Variants in PGGT1B observed in about 807,000 individuals in gnomAD.
PGGT1B encodes geranylgeranyl transferase type-1 subunit beta.
PGGT1B carries 30 observed loss-of-function variants against 46.1 expected under a neutral mutation model. That is an observed-to-expected ratio of 0.65 (90% CI 0.49 to 0.88). The LOEUF is 0.88. PGGT1B is among the 40% of genes least tolerant of loss of function. The pLI is 0.00. For missense variants in PGGT1B, 376 were observed against 455.9 expected (o/e 0.82, Z 1.60); for synonymous variants, 170 against 160.0 (o/e 1.06, Z -0.47).
At chr5:115,248,097 C>T (rs1252522186) in intron 2 of PGGT1B, among the ~76,000 whole-genome samples, 3 of 152,116 alleles carry the variant, frequency 2.0e-5, no homozygotes, top group Admixed American at 2.0e-4. Context: ...AAGCATTAAA[C>T]ATTTTACCCT....
rs1037168191 is a variant in PGGT1B, at chr5:115,209,785, C to G, written c.*2617G>C. 1 of 152,068 alleles carries G rather than the reference C, an allele frequency of 6.6e-6. No homozygotes were observed. The highest frequency in any genetic ancestry group is 1.5e-5 in the Non-Finnish European group (1 of 67,994). 9.4% of individuals were successfully genotyped at this position (152,068 alleles called of 1,614,324 possible). On this transcript the variant is annotated 3_prime_UTR_variant, in exon 9 of 9. Coordinates refer to ENST00000419445, the MANE Select transcript of PGGT1B (RefSeq NM_005023.4). ...CCTATAATTTGAAATTTGCTGTATT[C>G]CAGGTACTATCCTAAGTGCTTTATC...
chr5:115,211,344 C>T lies in PGGT1B; in HGVS notation c.*1058G>A, dbSNP rs1335367529. 2.0e-5 allele frequency: 3 copies of T among 151,942 alleles called. No homozygotes were observed. Among genetic ancestry groups the T allele is most frequent in the African/African-American group, 7.2e-5 (3 of 41,408 alleles). 9.4% of individuals were successfully genotyped at this position (151,942 alleles called of 1,614,324 possible). A position where few individuals can be genotyped will look rare whatever the true frequency, so the allele number is the denominator to read the frequency against. On this transcript the variant is annotated 3_prime_UTR_variant, in exon 9 of 9. Coordinates refer to ENST00000419445, the MANE Select transcript of PGGT1B (RefSeq NM_005023.4). ...CTATTTCTTACCCTCTAAATGGTCG[C>T]ATTTCCCTTTCACTTACCTGAAAAT...
intron 2 of PGGT1B, among the ~76,000 whole-genome samples, chr5:115,251,146 C>T (rs1748076644): frequency 6.6e-6 from 1 of 152,098 alleles, no homozygotes. Flanking sequence ...GGTCATAGAA[C>T]ATACATATGT....
intron 4 of PGGT1B, 59 bp from the exon 5 acceptor site, chr5:115,236,581 T>A (rs751729337): frequency 1.6e-6 from 2 of 1,247,624 alleles, no homozygotes; most frequent in South Asian, 1.8e-5. Flanking sequence ...TTTTTTTGCA[T>A]GGGGGTTAGA....
intron 1 of PGGT1B, among the ~76,000 whole-genome samples, chr5:115,255,105 T>C (rs1375717677): frequency 6.6e-6 from 1 of 152,186 alleles, no homozygotes; most frequent in Non-Finnish European, 1.5e-5. Flanking sequence ...TATACAGTAA[T>C]TGTGCTTACC....
At chr5:115,234,548 A>C (rs989439114) in intron 5 of PGGT1B, among the ~76,000 whole-genome samples, 1 of 152,080 alleles carries the variant, frequency 6.6e-6, no homozygotes, top group African/African-American at 2.4e-5. Context: ...GAAAAGCCTA[A>C]AATGGAATTC....
rs562247491 is a variant in PGGT1B at position 115,259,645 on chromosome 5, T to G, written c.140+3067A>C. 1.1e-3 allele frequency among the ~76,000 whole-genome samples: 141 copies of G among 128,188 alleles called. 2 individuals are homozygous for G. The highest frequency in any genetic ancestry group is 1.9e-3 in the Non-Finnish European group (126 of 64,808). 84.1% of individuals were successfully genotyped at this position (128,188 alleles called of 152,430 possible). Reference sequence around the variant, plus strand: ...CGGAGGCTGCAGTGAGGAGAGATGGTGCCACCGCACTCCAGCCTGGTGACA... The same window carrying G: ...CGGAGGCTGCAGTGAGGAGAGATGGGGCCACCGCACTCCAGCCTGGTGACA... On this transcript the variant is annotated intron_variant, in intron 1 of 8. Transcript: ENST00000419445.
chr5:115,253,112 A>T, intron 2 of PGGT1B, 25 bp downstream of exon 2: 12 of 1,598,516 alleles, frequency 7.5e-6, no homozygotes, highest in Non-Finnish European at 1.0e-5. Flanking sequence ...TCACACTAAA[A>T]ATAAAATGCT....
At chr5:115,225,242 G>A (rs896492128) in intron 6 of PGGT1B, among the ~76,000 whole-genome samples, 3 of 152,156 alleles carry the variant, frequency 2.0e-5, no homozygotes, top group African/African-American at 7.2e-5. Context: ...TTAAAAGTTT[G>A]CCACCTACGT....
rs1756071910 is a variant in PGGT1B at position 115,206,627 on chromosome 5, T to C, written c.*5775A>G. 2.0e-5 allele frequency: 3 copies of C among 152,044 alleles called. No homozygotes were observed. Among genetic ancestry groups the C allele is most frequent in the African/African-American group, 7.2e-5 (3 of 41,460 alleles). 9.4% of individuals were successfully genotyped at this position (152,044 alleles called of 1,614,324 possible). A position where few individuals can be genotyped will look rare whatever the true frequency, so the allele number is the denominator to read the frequency against. ...CCTTCCAATATCCATACTTTAACAG[T>C]TGCATAGTATTGAGTTACATAAATG... On this transcript the variant is annotated 3_prime_UTR_variant, in exon 9 of 9. Coordinates refer to ENST00000419445, the MANE Select transcript of PGGT1B (RefSeq NM_005023.4).
At chr5:115,250,611 A>G (rs1748051708) in intron 2 of PGGT1B, among the ~76,000 whole-genome samples, 1 of 152,224 alleles carries the variant, frequency 6.6e-6, no homozygotes, top group Non-Finnish European at 1.5e-5. Flanking sequence ...ATGGTTCTCA[A>G]AAGGAGTGGT....
In PGGT1B at chr5:115,237,905, T is replaced by C. The variant is rs12163926; in HGVS notation, c.432A>G (p.Lys144=). Residue 144 remains lysine, a synonymous_variant, in exon 4 of 9, where the codon AAA becomes AAG. Transcript: ENST00000419445. ...ILGDDLSRVN[K]EACLAGLRAL... is the part of the protein sequence containing the mutation. ...CTCTCAAGCCCGCTAAGCAAGCTTC[T>C]TTATTTACTCGGCTTAAGTCGTCTC... 3.2e-3 allele frequency: 5,115 copies of C among 1,612,090 alleles called. 138 individuals carry two copies. In the East Asian group the frequency reaches 0.077, roughly 24 times the overall value.
chr5:115,241,284 CAATT>C (rs745505068), intron 3 of PGGT1B, among the ~76,000 whole-genome samples: 1 of 152,070 alleles, frequency 6.6e-6, no homozygotes, highest in Non-Finnish European at 1.5e-5. Flanking sequence ...TTTTTTGTAA[CAATT>C]AATAGAAATT....
intron 7 of PGGT1B, among the ~76,000 whole-genome samples, chr5:115,221,351 T>C (rs936159517): frequency 6.6e-6 from 1 of 151,980 alleles, no homozygotes; most frequent in Non-Finnish European, 1.5e-5. Context: ...GGCATGTCAA[T>C]TGATGAGTTT....
At chr5:115,222,808 G>T (rs1045890003) in intron 6 of PGGT1B, among the ~76,000 whole-genome samples, 2 of 152,178 alleles carry the variant, frequency 1.3e-5, no homozygotes, top group Non-Finnish European at 2.9e-5. Flanking sequence ...ATGAGTTCAC[G>T]TCCTTTGTAG....
At position 115,222,209 on chromosome 5, in the gene PGGT1B, A is replaced by C. The variant is rs558063390; in HGVS notation, c.659-201T>G. Among the ~76,000 whole-genome samples the C allele has an allele frequency of 2.6e-5, 4 of 152,356 alleles. No homozygotes were observed. In the East Asian group the frequency reaches 7.7e-4, roughly 29 times the overall value. ...AAAACAGAGAATATAAAGCTATAAG[A>C]AACATTTTACTTATGAAAAAAAGTA... On this transcript the variant is annotated intron_variant, in intron 6 of 8. Transcript: ENST00000419445.
At chr5:115,241,655 C>T (rs1290476794) in intron 2 of PGGT1B, 49 bp from the exon 3 acceptor site, 9 of 1,398,960 alleles carry the variant, frequency 6.4e-6, no homozygotes, top group Middle Eastern at 3.6e-4. Flanking sequence ...TATTTTTGCA[C>T]AGATTCTAAA....
At chr5:115,262,580 T>A in intron 1 of PGGT1B, 132 bp downstream of exon 1, 1 of 1,032,654 alleles carries the variant, frequency 9.7e-7, no homozygotes, top group Non-Finnish European at 1.4e-6. Context: ...TCAAGCCCAC[T>A]TGAAACCAGT....
intron 3 of PGGT1B, among the ~76,000 whole-genome samples, chr5:115,238,239 A>G (rs898661265): frequency 2.0e-5 from 3 of 149,442 alleles, no homozygotes; most frequent in Admixed American, 2.0e-4. Context: ...GGCATTATGG[A>G]AGTAGTTATG....
Sources: gnomAD v4.1 joint callset for allele counts (sites outside exome capture counted in the v4.1 genomes callset) on GRCh38, gnomAD v4.1.1 for gene constraint, MANE v1.5 for transcripts, NCBI Gene and HGNC (gene_info 2026-07-23, HGNC 2026-07-21) for gene names.